KPNA4: variants seen among roughly 807,000 people sequenced by gnomAD.
The protein encoded by KPNA4 is karyopherin subunit alpha 4, also known as importin subunit alpha-3.
Under a neutral mutation model 71.3 loss-of-function variants are expected in KPNA4, and 13 were observed. The ratio of observed to expected loss-of-function variants is 0.18; its 90% CI spans 0.12 to 0.29. KPNA4 has a LOEUF of 0.29. Among genes scored for constraint, KPNA4 ranks in the 10% least tolerant of loss-of-function variants. The pLI, the probability that KPNA4 is intolerant of heterozygous loss-of-function variation, is 1.00. For synonymous variants in KPNA4, 189 were observed against 195.2 expected, an observed-to-expected ratio of 0.97 and a Z score of 0.26; for missense variants, 334 against 603.2, an observed-to-expected ratio of 0.55 and a Z score of 4.67.
chr3:160,523,900 G>GA (rs1311052903), intron 10 of KPNA4, among the ~76,000 whole-genome samples: 3 of 151,996 alleles, frequency 2.0e-5, no homozygotes, highest in East Asian at 1.9e-4. Context: ...CAATATATGT[G>GA]AAAAAACCTA....
intron 7 of KPNA4, among the ~76,000 whole-genome samples, chr3:160,530,447 C>G (rs1721551432): frequency 6.6e-6 from 1 of 151,928 alleles, no homozygotes. Flanking sequence ...CCATTGTATT[C>G]CAGCCTGGCC....
intron 7 of KPNA4, 139 bp downstream of exon 7, chr3:160,530,716 T>C (rs1721557086): frequency 3.4e-6 from 2 of 593,234 alleles, no homozygotes; most frequent in Non-Finnish European, 5.9e-6. Flanking sequence ...AGTAACATAC[T>C]TAAGTTGACC....
At chr3:160,541,626 C>T (rs895402431) in intron 1 of KPNA4, among the ~76,000 whole-genome samples, 2 of 147,428 alleles carry the variant, frequency 1.4e-5, no homozygotes, top group East Asian at 2.0e-4. Flanking sequence ...GGTAATAAAG[C>T]GGTTTTTAAA....
chr3:160,555,536 A>G (rs981407017), intron 1 of KPNA4, among the ~76,000 whole-genome samples: 1 of 152,126 alleles, frequency 6.6e-6, no homozygotes, highest in Admixed American at 6.5e-5. Context: ...TAGGCACAGT[A>G]AGAGATTAAT....
chr3:160,515,677 C>A, intron 11 of KPNA4, 97 bp from the exon 12 acceptor site: 2 of 1,336,418 alleles, frequency 1.5e-6, no homozygotes, highest in South Asian at 2.8e-5. Context: ...TGCAGTGGTG[C>A]GATCTCAGCT....
chr3:160,563,778 T>C (rs1007496414), intron 1 of KPNA4, among the ~76,000 whole-genome samples: 7 of 152,160 alleles, frequency 4.6e-5, no homozygotes, highest in African/African-American at 1.7e-4. Flanking sequence ...CTCATTTTTA[T>C]GGCATGCAAA....
Position 160,565,571 on chromosome 3 carries a change from T to G in KPNA4, c.-289A>C. ...CTGAGAGGGGGAGGCAGCCTCGATC[T>G]GAGGGCCCCGGCGCTGCGGCCACGC... is the stretch of plus-strand genomic sequence containing the variant. On this transcript the variant is annotated 5_prime_UTR_variant, in exon 1 of 17. Transcript: ENST00000334256. 2 of 512,454 alleles carry G rather than the reference T, an allele frequency of 3.9e-6. No individual in the cohort carries two copies. The highest frequency in any genetic ancestry group is 3.4e-5 in the East Asian group (1 of 29,272). The allele number at this position is 512,454 out of a possible 1,614,324, so 31.7% of individuals were successfully genotyped here. A position where few individuals can be genotyped will look rare whatever the true frequency, so the allele number is the denominator to read the frequency against.
intron 11 of KPNA4, among the ~76,000 whole-genome samples, chr3:160,516,819 C>G (rs1341957583): frequency 1.3e-5 from 2 of 151,932 alleles, no homozygotes; most frequent in Non-Finnish European, 2.9e-5. Context: ...AAAGAAGATA[C>G]CTGCCTAACA....
intron 13 of KPNA4, among the ~76,000 whole-genome samples, chr3:160,513,093 A>G (rs904615052): frequency 6.6e-6 from 1 of 152,146 alleles, no homozygotes. Flanking sequence ...GTGTCTCCTC[A>G]TGTGAATCAT....
In KPNA4 at chr3:160,557,485, T is replaced by C. The variant is rs948482546; in HGVS notation, c.69+7729A>G. ...TCCATCACTGAACTAGTAAAAAACA[T>C]ACTATCTTAGGATTCCGACTTTTGT... On this transcript the variant is annotated intron_variant, in intron 1 of 16. Coordinates refer to ENST00000334256, the MANE Select transcript of KPNA4 (RefSeq NM_002268.5). 3.3e-5 allele frequency among the ~76,000 whole-genome samples: 5 copies of C among 152,190 alleles called. 1 individual carries two copies. Among genetic ancestry groups the C allele is most frequent in the African/African-American group, 1.2e-4 (5 of 41,454 alleles).
chr3:160,534,718 GAAAA>G (rs544384718), intron 5 of KPNA4, among the ~76,000 whole-genome samples: 3 of 73,136 alleles, frequency 4.1e-5, no homozygotes, highest in African/African-American at 1.1e-4. Flanking sequence ...CTCCATCTCA[GAAAA>G]AAAAAAAAAA....
chr3:160,519,474 T>C (rs1434949512), intron 11 of KPNA4, among the ~76,000 whole-genome samples: 2 of 152,190 alleles, frequency 1.3e-5, no homozygotes, highest in Non-Finnish European at 2.9e-5. Context: ...TTTTAAAAAG[T>C]CTACTAGTGG....
chr3:160,531,666 G>C (rs1241989662), intron 5 of KPNA4, 109 bp from the exon 6 acceptor site: 1 of 502,780 alleles, frequency 2.0e-6, no homozygotes, highest in Non-Finnish European at 3.4e-6. Flanking sequence ...TTTGGTACAA[G>C]TGCCTTCTCT....
intron 1 of KPNA4, among the ~76,000 whole-genome samples, chr3:160,554,106 T>C (rs961146542): frequency 6.6e-6 from 1 of 152,236 alleles, no homozygotes; most frequent in Non-Finnish European, 1.5e-5. Flanking sequence ...GAAAAAGAGC[T>C]GCTTAGAGTT....
chr3:160,550,925 ATT>A (rs1406088862), intron 1 of KPNA4, among the ~76,000 whole-genome samples: 1 of 152,054 alleles, frequency 6.6e-6, no homozygotes, highest in African/African-American at 2.4e-5. Context: ...TCTGTTGAGG[ATT>A]TTTGCATCCA....
chr3:160,522,328 T>C (rs933015337), intron 10 of KPNA4, among the ~76,000 whole-genome samples: 3 of 152,246 alleles, frequency 2.0e-5, no homozygotes, highest in Admixed American at 6.5e-5. Context: ...GATGAATATA[T>C]TCAAGGAGTT....
At chr3:160,544,935 GTAT>G (rs1309779089) in intron 1 of KPNA4, among the ~76,000 whole-genome samples, 1 of 152,122 alleles carries the variant, frequency 6.6e-6, no homozygotes, top group African/African-American at 2.4e-5. Context: ...TAAGCAAATA[GTAT>G]TATAGGATTT....
At chr3:160,561,192 A>C (rs186888578) in intron 1 of KPNA4, among the ~76,000 whole-genome samples, 13 of 152,174 alleles carry the variant, frequency 8.5e-5, no homozygotes, top group Admixed American at 8.5e-4. Context: ...TAAAAGATCT[A>C]GTTATATTTT....
intron 12 of KPNA4, among the ~76,000 whole-genome samples, chr3:160,514,651 G>C (rs1356016380): frequency 6.6e-6 from 1 of 152,080 alleles, no homozygotes; most frequent in East Asian, 1.9e-4. Context: ...CAACAATGGA[G>C]ACATAAAAAA....
Sources: allele counts gnomAD v4.1 joint callset (sites outside exome capture counted in the v4.1 genomes callset), GRCh38; gene constraint gnomAD v4.1.1; transcripts MANE v1.5; gene names NCBI Gene and HGNC (gene_info 2026-07-23, HGNC 2026-07-21).